Variants in ENAH observed in about 807,000 individuals in gnomAD.
The protein encoded by ENAH is protein enabled homolog.
In ENAH, 23 loss-of-function variants were observed where a neutral mutation model predicts 78.7. The observed-to-expected ratio is 0.29, with a 90% CI of 0.21 to 0.41. The LOEUF (loss-of-function observed/expected upper bound fraction) is 0.41. Among genes scored for constraint, ENAH ranks in the 10% least tolerant of loss-of-function variants. The pLI is 1.00. For missense variants in ENAH, 544 were observed against 691.0 expected (o/e 0.79, Z 2.39); for synonymous variants, 226 against 241.0 (o/e 0.94, Z 0.58).
chr1:225,594,646 C>T (rs1405053343), intron 1 of ENAH, among the ~76,000 whole-genome samples: 1 of 152,302 alleles, frequency 6.6e-6, no homozygotes, highest in African/African-American at 2.4e-5. Flanking sequence ...ATATTAATAT[C>T]TGAAGCATAT....
chr1:225,559,828 C>G (rs2096690654), intron 2 of ENAH, among the ~76,000 whole-genome samples: 1 of 152,108 alleles, frequency 6.6e-6, no homozygotes, highest in Non-Finnish European at 1.5e-5. Flanking sequence ...CGCAGAAAAT[C>G]TCCCCCAACT....
chr1:225,525,262 C>T (rs1344970113), intron 4 of ENAH, among the ~76,000 whole-genome samples: 1 of 152,168 alleles, frequency 6.6e-6, no homozygotes, highest in Non-Finnish European at 1.5e-5. Flanking sequence ...TCTCCATTTT[C>T]CCAATAAACT....
At position 225,497,885 on chromosome 1, in the gene ENAH, G is replaced by A. The variant is rs2096257784; in HGVS notation, c.1676-73C>T. 5.9e-6 allele frequency: 8 copies of A among 1,367,500 alleles called. No homozygotes were observed. The South Asian group carries it at 9.7e-5, about 17-fold the overall frequency. 84.7% of individuals were successfully genotyped at this position (1,367,500 alleles called of 1,614,324 possible). On this transcript the variant is annotated intron_variant, in intron 13 of 13. Transcript: ENST00000366843. ...AGATAAATGAGTGATTCATTCCTAA[G>A]AAACTTTAAGGATTGTGCTCAAACT...
intron 5 of ENAH, 186 bp from the exon 6 acceptor site, chr1:225,517,492 A>G (rs756696398): frequency 1.3e-6 from 2 of 1,551,706 alleles, no homozygotes; most frequent in Non-Finnish European, 1.7e-6. Flanking sequence ...TACAGAGTCA[A>G]CCAGCCCATT....
intron 1 of ENAH, among the ~76,000 whole-genome samples, chr1:225,601,033 G>C (rs1271798410): frequency 6.6e-6 from 1 of 152,040 alleles, no homozygotes; most frequent in Non-Finnish European, 1.5e-5. Flanking sequence ...ATGAAGAAGA[G>C]GCTATATAGT....
intron 1 of ENAH, among the ~76,000 whole-genome samples, chr1:225,606,722 A>T (rs979277273): frequency 6.6e-6 from 1 of 151,316 alleles, no homozygotes; most frequent in Non-Finnish European, 1.5e-5. Context: ...GTGCACCTGT[A>T]GTCCCAGCTA....
intron 1 of ENAH, among the ~76,000 whole-genome samples, chr1:225,633,700 G>A (rs1356317748): frequency 6.6e-6 from 1 of 152,148 alleles, no homozygotes; most frequent in Non-Finnish European, 1.5e-5. Flanking sequence ...AATGATCCAT[G>A]TGAAGTTGCC....
At chr1:225,553,408 A>G (rs1030033285) in intron 3 of ENAH, among the ~76,000 whole-genome samples, 25 of 152,332 alleles carry the variant, frequency 1.6e-4, no homozygotes, top group African/African-American at 5.5e-4. Context: ...TAAGTTCCTA[A>G]TATCAGTAAC....
At chr1:225,604,729 G>A (rs115349399) in intron 1 of ENAH, among the ~76,000 whole-genome samples, 6,493 of 152,158 alleles carry the variant, frequency 0.043, 224 homozygotes, top group South Asian at 0.1. Flanking sequence ...TGAGGCAGGG[G>A]TTGCAGTAAG....
At chr1:225,648,100 C>T (rs969532642) in intron 1 of ENAH, among the ~76,000 whole-genome samples, 3 of 152,116 alleles carry the variant, frequency 2.0e-5, no homozygotes, top group African/African-American at 4.8e-5. Flanking sequence ...AGGAAAATTT[C>T]GTAAACCCTT....
Position 225,512,859 on chromosome 1 carries a change from G to C in ENAH, c.1364+12C>G. 6.2e-7 allele frequency: 1 copy of C among 1,612,306 alleles called. No individual in the cohort carries two copies. Among genetic ancestry groups the C allele is most frequent in the Non-Finnish European group, 8.5e-7 (1 of 1,179,376 alleles). The stretch of plus-strand genomic sequence containing the variant: ...CAATTCTGGGCATGTCCATTATAAT[G>C]AAATTCCTTACCTCCTGGCCAGCAG... On this transcript the variant is annotated intron_variant, in intron 8 of 13. Transcript: ENST00000366843.
In ENAH at chr1:225,652,999, G is replaced by T; in HGVS notation, c.-309C>A. ...CTGCTCCTCCTCCCGGAGCTTCCTC[G>T]GCCGCCCTCTGAGGGGTGCCCGCCG... On this transcript the variant is annotated 5_prime_UTR_variant, in exon 1 of 14. Transcript: ENST00000366843. 1 of 275,454 alleles carries T rather than the reference G, an allele frequency of 3.6e-6. No homozygotes were observed. Among genetic ancestry groups the T allele is most frequent in the South Asian group, 1.5e-4 (1 of 6,564 alleles). 17.1% of individuals were successfully genotyped at this position (275,454 alleles called of 1,614,324 possible).
chr1:225,543,070 T>C (rs1028703792), intron 3 of ENAH, among the ~76,000 whole-genome samples: 7 of 151,842 alleles, frequency 4.6e-5, no homozygotes, highest in African/African-American at 1.2e-4. Flanking sequence ...TAGGAAGCCA[T>C]TGCAGGGTTA....
rs143418352 is a variant in ENAH, at chr1:225,532,997, G to GGTGT, written c.350-2363_350-2360dup. 5.9e-5 allele frequency among the ~76,000 whole-genome samples: 9 copies of GGTGT among 151,570 alleles called. No individual in the cohort carries two copies. In the South Asian group the frequency reaches 1.0e-3, roughly 18 times the overall value. On this transcript the variant is annotated intron_variant, in intron 3 of 13. Coordinates refer to ENST00000366843, the MANE Select transcript of ENAH (RefSeq NM_018212.6). ...GTCTTTCCAGACATCCTTTAAATTG[G>GGTGT]GTGTGTGTGTGTGTCCGTGCATGGA...
chr1:225,578,454 G>A (rs775416559), intron 1 of ENAH, among the ~76,000 whole-genome samples: 14 of 152,262 alleles, frequency 9.2e-5, no homozygotes, highest in South Asian at 2.1e-4. Context: ...CAGCTTGGGC[G>A]ACAGAGCGAG....
At chr1:225,558,380 A>G (rs915798907) in intron 2 of ENAH, among the ~76,000 whole-genome samples, 13 of 152,244 alleles carry the variant, frequency 8.5e-5, no homozygotes, top group Non-Finnish European at 1.9e-4. Flanking sequence ...ACTTCTTTTA[A>G]TGATAGTCTT....
At chr1:225,560,841 AC>A (rs1278913891) in intron 2 of ENAH, among the ~76,000 whole-genome samples, 1 of 152,250 alleles carries the variant, frequency 6.6e-6, no homozygotes, top group African/African-American at 2.4e-5. Flanking sequence ...TGTTACATTT[AC>A]TTTTTCAATT....
chr1:225,537,016 T>A (rs537457059), intron 3 of ENAH, among the ~76,000 whole-genome samples: 2 of 152,256 alleles, frequency 1.3e-5, no homozygotes, highest in African/African-American at 2.4e-5. Flanking sequence ...ACTGTTTTTT[T>A]AAAAATCTGT....
At chr1:225,604,581 C>T (rs896191550) in intron 1 of ENAH, among the ~76,000 whole-genome samples, 3 of 146,544 alleles carry the variant, frequency 2.0e-5, no homozygotes, top group Admixed American at 7.0e-5. Context: ...GTCAGGAGTT[C>T]GAGACCAGCC....
Sources: gnomAD v4.1 joint callset for allele counts (sites outside exome capture counted in the v4.1 genomes callset) on GRCh38, gnomAD v4.1.1 for gene constraint, MANE v1.5 for transcripts, NCBI Gene and HGNC (gene_info 2026-07-23, HGNC 2026-07-21) for gene names.